Variants in CBFA2T3 observed in about 807,000 individuals in gnomAD.
CBFA2T3 encodes CBFA2/RUNX1 partner transcriptional co-repressor 3, also known as transcriptional corepressor CBFA2T3.
CBFA2T3 carries 31 observed loss-of-function variants against 58.6 expected under a neutral mutation model. The ratio of observed to expected loss-of-function variants is 0.53; its 90% CI spans 0.40 to 0.71. The LOEUF is 0.71. Ranked by LOEUF, CBFA2T3 falls within the 30% of genes least tolerant of loss-of-function variation. The pLI is 0.00. For missense variants in CBFA2T3, 1,076 were observed against 963.1 expected, an observed-to-expected ratio of 1.12 and a Z score of -1.55; for synonymous variants, 531 against 421.9, an observed-to-expected ratio of 1.26 and a Z score of -3.17.
intron 1 of CBFA2T3, among the ~76,000 whole-genome samples, chr16:88,914,041 G>C (rs558794308): frequency 6.6e-6 from 1 of 152,218 alleles, no homozygotes; most frequent in Non-Finnish European, 1.5e-5. Context: ...AGAGGGACAC[G>C]AGGCTGCAGC....
intron 1 of CBFA2T3, among the ~76,000 whole-genome samples, chr16:88,932,254 C>A (rs540519278): frequency 2.9e-5 from 4 of 140,080 alleles, no homozygotes; most frequent in Admixed American, 7.1e-5. Context: ...CCCCCTCACA[C>A]GGCCCCCACT....
chr16:88,966,252 C>T (rs1276996006), intron 1 of CBFA2T3, among the ~76,000 whole-genome samples: 5 of 152,234 alleles, frequency 3.3e-5, no homozygotes, highest in Admixed American at 6.5e-5. Flanking sequence ...CACATTAGGC[C>T]GTCTCTAGGG....
chr16:88,959,952 G>A (rs957469112), intron 1 of CBFA2T3, among the ~76,000 whole-genome samples: 8 of 152,096 alleles, frequency 5.3e-5, no homozygotes, highest in South Asian at 2.1e-4. Flanking sequence ...TCACTTGAAC[G>A]CAGGAGATGG....
At chr16:88,917,329 G>C (rs926970067) in intron 1 of CBFA2T3, among the ~76,000 whole-genome samples, 1 of 152,176 alleles carries the variant, frequency 6.6e-6, no homozygotes, top group Non-Finnish European at 1.5e-5. Flanking sequence ...GGCACCGTGG[G>C]AGAAAGGTGC....
chr16:88,897,838 C>T (rs74382363), intron 3 of CBFA2T3, among the ~76,000 whole-genome samples: 3,727 of 152,358 alleles, frequency 0.024, 43 homozygotes, highest in African/African-American at 0.044. Flanking sequence ...AGAGGCTCTG[C>T]TCCTGCCTAA....
intron 2 of CBFA2T3, among the ~76,000 whole-genome samples, chr16:88,899,261 G>C (rs1380894264): frequency 6.6e-6 from 1 of 152,054 alleles, no homozygotes; most frequent in Non-Finnish European, 1.5e-5. Context: ...GCCCCTGAAG[G>C]GCACCCACCA....
chr16:88,888,306 G>T lies in CBFA2T3; in HGVS notation c.712-2164C>A, dbSNP rs142306322. 6.7e-3 allele frequency among the ~76,000 whole-genome samples: 1,004 copies of T among 148,932 alleles called. 8 individuals are homozygous for T. Among genetic ancestry groups the T allele is most frequent in the African/African-American group, 0.024 (952 of 40,152 alleles). On this transcript the variant is annotated intron_variant, in intron 5 of 11. Coordinates refer to ENST00000268679, the MANE Select transcript of CBFA2T3 (RefSeq NM_005187.6). ...GCCTGGCGGGCTGTGGATGTCTTGG[G>T]AAGGTGCTACCCCTCCCCCAGCCCA...
chr16:88,925,200 C>A (rs1047513689), intron 1 of CBFA2T3, among the ~76,000 whole-genome samples: 15 of 152,220 alleles, frequency 9.9e-5, no homozygotes, highest in African/African-American at 3.6e-4. Context: ...CGGATTGGTC[C>A]TCTCCCAGCC....
chr16:88,965,496 C>T (rs746177824), intron 1 of CBFA2T3, among the ~76,000 whole-genome samples: 5 of 152,246 alleles, frequency 3.3e-5, no homozygotes, highest in African/African-American at 4.8e-5. Context: ...GCAGCGCCAG[C>T]CACAGGCCCC....
intron 2 of CBFA2T3, among the ~76,000 whole-genome samples, chr16:88,898,383 C>T (rs897815670): frequency 2.6e-5 from 4 of 152,180 alleles, no homozygotes; most frequent in Admixed American, 1.3e-4. Flanking sequence ...ACGCCCGGGC[C>T]GCCGTTTCCT....
chr16:88,959,354 G>A (rs1230687693), intron 1 of CBFA2T3, among the ~76,000 whole-genome samples: 3 of 152,182 alleles, frequency 2.0e-5, no homozygotes, highest in Non-Finnish European at 4.4e-5. Flanking sequence ...TAGTCCTGGC[G>A]ATGATGGTGG....
Position 88,875,113 on chromosome 16 carries a change from C to CCA in CBFA2T3, c.*1861_*1862dup, listed in dbSNP as rs200368454. ...CACAGATGCCAGGCCACGGGCCACGCCACACACACAGATGCCAGGCCACGG... is the reference window on the plus strand; with the variant it reads ...CACAGATGCCAGGCCACGGGCCACGCCACACACACACAGATGCCAGGCCACGG... On this transcript the variant is annotated 3_prime_UTR_variant, in exon 12 of 12. Coordinates refer to ENST00000268679, the MANE Select transcript of CBFA2T3 (RefSeq NM_005187.6). 0.011 allele frequency: 2,719 copies of CCA among 237,200 alleles called. 24 individuals carry two copies. The highest frequency in any genetic ancestry group is 0.019 in the Middle Eastern group (15 of 802). The allele number at this position is 237,200 out of a possible 1,614,324, so 14.7% of individuals were successfully genotyped here.
At chr16:88,941,188 GC>G in intron 1 of CBFA2T3, 1 of 982,104 alleles carries the variant, frequency 1.0e-6, no homozygotes, top group Non-Finnish European at 1.2e-6. Context: ...GCTGGGGCGC[GC>G]GGGGCGGCCG....
At position 88,877,240 on chromosome 16, in the gene CBFA2T3, C is replaced by A; in HGVS notation, c.1698G>T (p.Thr566=). ...AGCGTGCCGCGTTGCAGCCGCTGCA[C>A]GTCTCACTGGCTTTCCGCCCGCAGT... The part of the protein sequence containing the change: ...CWNCGRKASE[T]CSGCNAARYC... The change falls in exon 12 of 12, where the codon ACG becomes ACT. Residue 566 remains threonine, a synonymous_variant. Transcript: ENST00000268679. The A allele has an allele frequency of 6.4e-7, 1 of 1,555,484 alleles. No homozygotes were observed. The highest frequency in any genetic ancestry group is 8.7e-7 in the Non-Finnish European group (1 of 1,150,224).
rs1972259829 is a variant in CBFA2T3, at chr16:88,957,948, G to A, written c.151+18709C>T. Among the ~76,000 whole-genome samples the A allele has an allele frequency of 1.3e-5, 2 of 152,250 alleles. 1 individual carries two copies. The highest frequency in any genetic ancestry group is 2.9e-5 in the Non-Finnish European group (2 of 68,048). ...TTGCACACCTCTGGGGCTTTGCTAA[G>A]TGCCACTGACTTGTGTACTTGAGAT... On this transcript the variant is annotated intron_variant, in intron 1 of 11. Transcript: ENST00000268679.
rs1319563545 is a variant in CBFA2T3, at chr16:88,953,467, G to A, written c.151+23190C>T. Among the ~76,000 whole-genome samples, 1 of 152,138 alleles carries A rather than the reference G, an allele frequency of 6.6e-6. No homozygotes were observed. Among genetic ancestry groups the A allele is most frequent in the African/African-American group, 2.4e-5 (1 of 41,438 alleles). ...CAAAACGGTTCCCACAGCTCCCAGC[G>A]GAGCCCTCAAAATGGTCCCCACAGC... On this transcript the variant is annotated intron_variant, in intron 1 of 11. Transcript: ENST00000268679. This position sits in a 1 kb window ranked among gnomAD's most constrained non-coding sequence, Gnocchi z 4.9.
intron 1 of CBFA2T3, among the ~76,000 whole-genome samples, chr16:88,969,465 A>T (rs1418897137): frequency 6.6e-6 from 1 of 152,202 alleles, no homozygotes; most frequent in African/African-American, 2.4e-5. Context: ...AGTGCCAGGA[A>T]GAGGGTCTTT....
In CBFA2T3 at chr16:88,885,101, T is replaced by C; in HGVS notation, c.1062A>G (p.Arg354=). ...LEDIAMAHHF[R]DAYRHPDPRE... ...GGGGGTCTGGGTGGCGGTAGGCATCTCGGAAGTGGTGGGCCATGGCTATGT... is the reference window on the plus strand; with the variant it reads ...GGGGGTCTGGGTGGCGGTAGGCATCCCGGAAGTGGTGGGCCATGGCTATGT... The change falls in exon 7 of 12, where the codon CGA becomes CGG. Residue 354 remains arginine, a synonymous_variant. Transcript: ENST00000268679. This position sits in a 1 kb window ranked among gnomAD's most constrained non-coding sequence, Gnocchi z 5.3. 1.2e-6 allele frequency: 2 copies of C among 1,602,346 alleles called. No individual in the cohort carries two copies. Among genetic ancestry groups the C allele is most frequent in the Non-Finnish European group, 1.7e-6 (2 of 1,177,402 alleles).
At chr16:88,928,205 G>A (rs1971149174) in intron 1 of CBFA2T3, among the ~76,000 whole-genome samples, 1 of 152,254 alleles carries the variant, frequency 6.6e-6, no homozygotes, top group African/African-American at 2.4e-5. Flanking sequence ...GTTTGGGGTG[G>A]TTTGTTCGGC....
Sources: allele counts gnomAD v4.1 joint callset (sites outside exome capture counted in the v4.1 genomes callset), GRCh38; gene constraint gnomAD v4.1.1; non-coding constraint Gnocchi (gnomAD v3.1); transcripts MANE v1.5; gene names NCBI Gene and HGNC (gene_info 2026-07-23, HGNC 2026-07-21).